FAM135A: variants seen among roughly 807,000 people sequenced by gnomAD.
FAM135A encodes family with sequence similarity 135 member A.
In FAM135A, 79 loss-of-function variants were observed where a neutral mutation model predicts 146.8. The observed-to-expected ratio is 0.54, with a 90% confidence interval of 0.45 to 0.65. The LOEUF (loss-of-function observed/expected upper bound fraction) is 0.65. Among genes scored for constraint, FAM135A ranks in the 30% least tolerant of loss-of-function variants. The probability of loss-of-function intolerance (pLI) is 0.00; values close to 1 mark genes in which losing one functional copy is unlikely to be tolerated. For missense variants in FAM135A, 1,623 were observed against 1,758.2 expected, an observed-to-expected ratio of 0.92 and a Z score of 1.38; for synonymous variants, 562 against 603.6, an observed-to-expected ratio of 0.93 and a Z score of 1.01.
chr6:70,463,525 G>T (rs551969035), intron 5 of FAM135A, among the ~76,000 whole-genome samples: 4 of 151,938 alleles, frequency 2.6e-5, no homozygotes, highest in African/African-American at 4.8e-5. Context: ...CTCCCAAAGC[G>T]CTAGGATTAC....
In FAM135A at chr6:70,482,046, C is replaced by T. The variant is rs376512666; in HGVS notation, c.715C>T (p.Arg239Cys). 19 of 1,613,614 alleles carry T rather than the reference C, an allele frequency of 1.2e-5. No individual in the cohort carries two copies. Among genetic ancestry groups the T allele is most frequent in the East Asian group, 6.7e-5 (3 of 44,828 alleles). The part of the protein sequence containing the change: ...IADSFLHHAY[R>C]FHYTLCATLL... ...AGACTCCTTCCTACATCATGCGTAT[C>T]GTTTTCATTATACACTTTGTGCCAC... The change falls in exon 10 of 22, where the codon CGT (arginine) becomes TGT (cysteine). Residue 239 changes from arginine to cysteine, a missense_variant. By Grantham distance (180) the Arg-to-Cys change is radical (BLOSUM62 -3). Transcript: ENST00000418814.
chr6:70,524,367 T>A lies in FAM135A; in HGVS notation c.1283T>A (p.Ile428Asn). ...GACTTAGATGCACCCTGGATGGGAA[T>A]TCAGAATCTTCAGAGATCAGAGTCC... Reference protein sequence around the residue: ...TEDLDAPWMGIQNLQRSESSK... With the variant: ...TEDLDAPWMGNQNLQRSESSK... Residue 428 changes from isoleucine (I) to asparagine (N), a missense_variant, in exon 15 of 22, where the codon ATT (isoleucine) becomes AAT (asparagine). By Grantham distance (149) the Ile-to-Asn change is moderately radical. Transcript: ENST00000418814. 6.7e-7 allele frequency: 1 copy of A among 1,495,072 alleles called. No homozygotes were observed. The highest frequency in any genetic ancestry group is 8.9e-7 in the Non-Finnish European group (1 of 1,127,712). 92.6% of individuals were successfully genotyped at this position (1,495,072 alleles called of 1,614,324 possible).
chr6:70,482,253 AC>A, intron 10 of FAM135A, 99 bp downstream of exon 10: 2 of 1,199,718 alleles, frequency 1.7e-6, no homozygotes, highest in South Asian at 3.4e-5. Context: ...CTATACTAAA[AC>A]TACAGTGTTT....
At chr6:70,559,446 A>G (rs1441740118) in intron 21 of FAM135A, among the ~76,000 whole-genome samples, 1 of 151,422 alleles carries the variant, frequency 6.6e-6, no homozygotes, top group Non-Finnish European at 1.5e-5. Context: ...CATCTCAAAA[A>G]TAAAAAAAAA....
At chr6:70,543,291 C>T (rs1798261471) in intron 20 of FAM135A, among the ~76,000 whole-genome samples, 1 of 152,174 alleles carries the variant, frequency 6.6e-6, no homozygotes, top group African/African-American at 2.4e-5. Flanking sequence ...ATTCCTATCA[C>T]CCATGTCTTC....
intron 5 of FAM135A, among the ~76,000 whole-genome samples, chr6:70,466,389 C>A (rs1235298767): frequency 6.6e-6 from 1 of 151,950 alleles, no homozygotes; most frequent in Non-Finnish European, 1.5e-5. Context: ...AAGGAAATAT[C>A]TGGTTGAGTT....
intron 16 of FAM135A, among the ~76,000 whole-genome samples, chr6:70,529,438 TAAAA>T (rs763023513): frequency 7.4e-6 from 1 of 134,930 alleles, no homozygotes; most frequent in South Asian, 2.4e-4. Context: ...GATTTTTCTT[TAAAA>T]AAAAAAAAAA....
intron 15 of FAM135A, among the ~76,000 whole-genome samples, chr6:70,527,259 A>G (rs1437175454): frequency 2.6e-5 from 4 of 152,050 alleles, no homozygotes; most frequent in African/African-American, 9.7e-5. Flanking sequence ...ATATCCAGAA[A>G]AATCTGGCGA....
rs1232670943 is a variant in FAM135A, at chr6:70,482,041, C to T, written c.710C>T (p.Ala237Val). Residue 237 changes from alanine to valine, a missense_variant, in exon 10 of 22, where the codon GCG becomes GTG. Ala to Val is a moderately conservative substitution (Grantham distance 64). This residue lies in a region of FAM135A where 206 missense variants were observed against 194.7 expected (regional missense o/e 1.06). Coordinates refer to ENST00000418814, the MANE Select transcript of FAM135A (RefSeq NM_001162529.3). ...ATTGCAGACTCCTTCCTACATCATGCGTATCGTTTTCATTATACACTTTGT... is the reference window on the plus strand; with the variant it reads ...ATTGCAGACTCCTTCCTACATCATGTGTATCGTTTTCATTATACACTTTGT... ...FIIADSFLHH[A>V]YRFHYTLCAT... 3 of 1,613,494 alleles carry T rather than the reference C, an allele frequency of 1.9e-6. No homozygotes were observed. The highest frequency in any genetic ancestry group is 1.7e-5 in the Admixed American group (1 of 59,948).
At chr6:70,551,206 G>A (rs1480902982) in intron 20 of FAM135A, among the ~76,000 whole-genome samples, 1 of 152,084 alleles carries the variant, frequency 6.6e-6, no homozygotes, top group African/African-American at 2.4e-5. Flanking sequence ...CTTTTCCTTT[G>A]CATTCACATC....
In FAM135A at chr6:70,559,931, A is replaced by G. The variant is rs1238811434; in HGVS notation, c.*10A>G. ...CAAATATTTCCAATAGTATAAAAGC[A>G]TTGTTAGCGACTGGACAATTACCTC... On this transcript the variant is annotated 3_prime_UTR_variant, in exon 22 of 22. Coordinates refer to ENST00000418814, the MANE Select transcript of FAM135A (RefSeq NM_001162529.3). The G allele has an allele frequency of 6.3e-7, 1 of 1,595,434 alleles. No homozygotes were observed. The highest frequency in any genetic ancestry group is 1.1e-5 in the South Asian group (1 of 90,022).
intron 10 of FAM135A, among the ~76,000 whole-genome samples, chr6:70,487,338 T>C (rs972027079): frequency 3.9e-5 from 6 of 152,126 alleles, no homozygotes; most frequent in African/African-American, 1.4e-4. Flanking sequence ...TTTTCTTGAA[T>C]AGCCATAATT....
chr6:70,524,169 G>A, intron 14 of FAM135A, 48 bp downstream of exon 14: 1 of 1,535,378 alleles, frequency 6.5e-7, no homozygotes, highest in Admixed American at 2.1e-5. Flanking sequence ...ATAGTTTTCA[G>A]TATATTCTTC....
At chr6:70,528,518 T>C (rs1795163443) in intron 16 of FAM135A, 66 bp downstream of exon 16, 1 of 1,329,594 alleles carries the variant, frequency 7.5e-7, no homozygotes, top group Non-Finnish European at 9.8e-7. Flanking sequence ...AGATCTCATT[T>C]AGTTTCATTT....
intron 4 of FAM135A, among the ~76,000 whole-genome samples, chr6:70,430,685 A>C (rs948940802): frequency 6.6e-6 from 1 of 152,224 alleles, no homozygotes; most frequent in Non-Finnish European, 1.5e-5. Context: ...GTCTGCTTAC[A>C]TCTTAATTCT....
intron 20 of FAM135A, among the ~76,000 whole-genome samples, chr6:70,548,285 A>G (rs1228354451): frequency 6.6e-6 from 1 of 152,222 alleles, no homozygotes; most frequent in Non-Finnish European, 1.5e-5. Flanking sequence ...AAAGCACAAT[A>G]TCAGTATTAA....
At chr6:70,491,824 C>A (rs1271137530) in intron 11 of FAM135A, among the ~76,000 whole-genome samples, 1 of 151,722 alleles carries the variant, frequency 6.6e-6, no homozygotes, top group African/African-American at 2.4e-5. Flanking sequence ...CTCAAAAGAA[C>A]ATTAAACATT....
intron 5 of FAM135A, among the ~76,000 whole-genome samples, chr6:70,464,667 C>CTTTTTTTTTTTTTTTTTT (rs533623758): frequency 3.0e-5 from 3 of 99,380 alleles, no homozygotes; most frequent in Admixed American, 1.0e-4. Context: ...TCTTTTTTTT[C>CTTTTTTTTTTTTTTTTTT]TTTTTTTTTT....
intron 20 of FAM135A, among the ~76,000 whole-genome samples, chr6:70,542,361 C>CAT (rs1441325888): frequency 6.6e-6 from 1 of 151,738 alleles, no homozygotes; most frequent in Non-Finnish European, 1.5e-5. Flanking sequence ...GTTTTTGTAT[C>CAT]ATGTGTTTTT....
Sources: allele counts gnomAD v4.1 joint callset (sites outside exome capture counted in the v4.1 genomes callset), GRCh38; gene constraint gnomAD v4.1.1; regional missense constraint gnomAD v4.1.1; transcripts MANE v1.5; gene names NCBI Gene and HGNC (gene_info 2026-07-23, HGNC 2026-07-21).